Variants in ITGBL1 observed in about 807,000 individuals in gnomAD.
The protein encoded by ITGBL1 is integrin subunit beta like 1, also known as integrin beta-like protein 1.
Under a neutral mutation model 68.5 loss-of-function variants are expected in ITGBL1, and 51 were observed. The observed-to-expected ratio is 0.74, with a 90% CI of 0.59 to 0.94. The LOEUF is 0.94. Ranked by LOEUF, ITGBL1 falls within the 40% of genes least tolerant of loss-of-function variation. The pLI, the probability that ITGBL1 is intolerant of heterozygous loss-of-function variation, is 0.00. For missense variants in ITGBL1, 649 were observed against 647.4 expected, an observed-to-expected ratio of 1.00 and a Z score of -0.03; for synonymous variants, 209 against 227.3, an observed-to-expected ratio of 0.92 and a Z score of 0.72.
At chr13:101,541,432 G>C (rs927923130) in intron 2 of ITGBL1, among the ~76,000 whole-genome samples, 4 of 151,974 alleles carry the variant, frequency 2.6e-5, no homozygotes, top group Admixed American at 6.6e-5. Context: ...AAGCTTTTTG[G>C]TGTGCTGCTG....
rs945077123 is a variant in ITGBL1 at position 101,552,330 on chromosome 13, G to GT, written c.317-15360dup. Among the ~76,000 whole-genome samples the GT allele has an allele frequency of 1.1e-3, 162 of 151,258 alleles. 2 individuals carry two copies. The highest frequency in any genetic ancestry group is 3.1e-3 in the African/African-American group (127 of 41,266). ...AATTTTTCTGTCTACTGATCTAGGT[G>GT]TTTTTTTTTAAATAGAATCAAAAGT... is the stretch of plus-strand genomic sequence containing the variant. On this transcript the variant is annotated intron_variant, in intron 2 of 10. Coordinates refer to ENST00000376180, the MANE Select transcript of ITGBL1 (RefSeq NM_004791.3).
chr13:101,524,296 T>C (rs992948516), intron 2 of ITGBL1, among the ~76,000 whole-genome samples: 1 of 152,056 alleles, frequency 6.6e-6, no homozygotes, highest in African/African-American at 2.4e-5. Context: ...AGATTCTATA[T>C]AATCATCTCA....
At chr13:101,707,557 C>G (rs745415815) in intron 9 of ITGBL1, among the ~76,000 whole-genome samples, 7 of 151,934 alleles carry the variant, frequency 4.6e-5, no homozygotes, top group Non-Finnish European at 8.8e-5. Flanking sequence ...GGTAATTGTT[C>G]GGTTGGGCAC....
downstream of ITGBL1, chr13:101,720,199 T>G (rs1201310494): frequency 1.3e-5 from 2 of 152,118 alleles, no homozygotes; most frequent in Non-Finnish European, 2.9e-5. Flanking sequence ...AGGTACCTAC[T>G]ACATGCAGCT....
intron 7 of ITGBL1, among the ~76,000 whole-genome samples, chr13:101,635,675 G>A (rs2032148650): frequency 6.6e-6 from 1 of 152,042 alleles, no homozygotes; most frequent in Non-Finnish European, 1.5e-5. Context: ...TAGATTAAAT[G>A]TGCAGCTCTT....
At chr13:101,470,831 G>A (rs2048446849) in intron 2 of ITGBL1, among the ~76,000 whole-genome samples, 2 of 152,096 alleles carry the variant, frequency 1.3e-5, no homozygotes, top group Admixed American at 1.3e-4. Flanking sequence ...TTGAAATAAG[G>A]TAATGATAAT....
intron 8 of ITGBL1, among the ~76,000 whole-genome samples, chr13:101,700,018 T>C (rs2034097710): frequency 6.6e-6 from 1 of 152,140 alleles, no homozygotes; most frequent in South Asian, 2.1e-4. Flanking sequence ...AATATTGGGG[T>C]CCCCAAGACT....
At chr13:101,689,474 A>G (rs1297620965) in intron 7 of ITGBL1, among the ~76,000 whole-genome samples, 1 of 151,384 alleles carries the variant, frequency 6.6e-6, no homozygotes, top group Non-Finnish European at 1.5e-5. Flanking sequence ...TTAGCCAGGC[A>G]CGTGCCTGTA....
intron 2 of ITGBL1, among the ~76,000 whole-genome samples, chr13:101,525,869 G>T (rs2049367709): frequency 6.6e-6 from 1 of 151,684 alleles, no homozygotes; most frequent in Admixed American, 6.6e-5. Context: ...TTGTTTTTAT[G>T]GGTTTTGATA....
chr13:101,512,928 A>G lies in ITGBL1; in HGVS notation c.317-54771A>G, dbSNP rs74849656. Among the ~76,000 whole-genome samples, 923 of 152,244 alleles carry G rather than the reference A, an allele frequency of 6.1e-3. 12 individuals are homozygous for G. Among genetic ancestry groups the G allele is most frequent in the African/African-American group, 0.021 (863 of 41,570 alleles). ...TTGGTGTCCTGCCCATTTGTGTGGC[A>G]GGAAATTCTTTTGTTTGTGCTGGTG... On this transcript the variant is annotated intron_variant, in intron 2 of 10. Transcript: ENST00000376180.
intron 5 of ITGBL1, 87 bp from the exon 6 acceptor site, chr13:101,583,129 A>T: frequency 7.4e-7 from 1 of 1,358,568 alleles, no homozygotes. Flanking sequence ...AACACAAAGT[A>T]AACAGAAAAT....
chr13:101,549,067 A>G (rs1172789105), intron 2 of ITGBL1, among the ~76,000 whole-genome samples: 1 of 151,970 alleles, frequency 6.6e-6, no homozygotes, highest in Admixed American at 6.6e-5. Context: ...AGCAGATATC[A>G]ACATAAGATT....
chr13:101,582,914 C>T (rs533233907), intron 5 of ITGBL1, among the ~76,000 whole-genome samples: 65 of 152,152 alleles, frequency 4.3e-4, no homozygotes, highest in Admixed American at 6.5e-4. Context: ...TTGCAAGCTT[C>T]TTGGGGGAAA....
At chr13:101,631,117 A>G (rs1442538848) in intron 7 of ITGBL1, among the ~76,000 whole-genome samples, 1 of 152,076 alleles carries the variant, frequency 6.6e-6, no homozygotes, top group African/African-American at 2.4e-5. Flanking sequence ...ACTCTGTCCA[A>G]CCAATATTTC....
At chr13:101,574,415 C>T (rs1390957680) in intron 3 of ITGBL1, among the ~76,000 whole-genome samples, 2 of 152,112 alleles carry the variant, frequency 1.3e-5, no homozygotes, top group Admixed American at 1.3e-4. Flanking sequence ...TGACTTTGAC[C>T]TACTGGTCTC....
At chr13:101,705,303 A>AC (rs1396840152) in intron 8 of ITGBL1, among the ~76,000 whole-genome samples, 2 of 148,852 alleles carry the variant, frequency 1.3e-5, no homozygotes, top group East Asian at 3.9e-4. Flanking sequence ...AAAAAAAAAA[A>AC]AAAAAACAAC....
At chr13:101,699,535 G>C (rs2034083418) in intron 8 of ITGBL1, among the ~76,000 whole-genome samples, 1 of 152,052 alleles carries the variant, frequency 6.6e-6, no homozygotes. Context: ...GTTTTATAAG[G>C]GGCTTCCCCC....
chr13:101,688,920 C>T (rs1055051076), intron 7 of ITGBL1, among the ~76,000 whole-genome samples: 6 of 151,798 alleles, frequency 4.0e-5, no homozygotes, highest in Admixed American at 6.6e-5. Context: ...TTATGATTGC[C>T]GGGCATAGTG....
At chr13:101,461,622 G>A (rs896823091) in intron 2 of ITGBL1, among the ~76,000 whole-genome samples, 1 of 152,108 alleles carries the variant, frequency 6.6e-6, no homozygotes, top group Non-Finnish European at 1.5e-5. Context: ...TTGAGCATGG[G>A]AGATTGAGGC....
Sources: allele counts gnomAD v4.1 joint callset (sites outside exome capture counted in the v4.1 genomes callset), GRCh38; gene constraint gnomAD v4.1.1; transcripts MANE v1.5; gene names NCBI Gene and HGNC (gene_info 2026-07-23, HGNC 2026-07-21).